EXT1: variants seen among roughly 807,000 people sequenced by gnomAD.
EXT1 encodes the protein exostosin glycosyltransferase 1, also known as exostosin-1.
EXT1 carries 20 observed loss-of-function variants against 82.5 expected under a neutral mutation model. The ratio of observed to expected loss-of-function variants is 0.24; its 90% confidence interval spans 0.17 to 0.35. EXT1 has a LOEUF of 0.35. Ranked by LOEUF, EXT1 falls within the 10% of genes least tolerant of loss-of-function variation. EXT1 has a pLI of 1.00. For synonymous variants in EXT1, 348 were observed against 350.8 expected (o/e 0.99, Z 0.09); for missense variants, 757 against 936.5 (o/e 0.81, Z 2.50).
At chr8:118,061,754 T>C (rs192141501) in intron 1 of EXT1, among the ~76,000 whole-genome samples, 2 of 152,352 alleles carry the variant, frequency 1.3e-5, no homozygotes, top group Non-Finnish European at 2.9e-5. Context: ...CAAATAACAT[T>C]CCTAGATTTT....
intron 1 of EXT1, among the ~76,000 whole-genome samples, chr8:117,923,546 T>A (rs1178771090): frequency 6.9e-6 from 1 of 145,710 alleles, no homozygotes; most frequent in African/African-American, 2.7e-5. Flanking sequence ...TGAAACCCCA[T>A]CTCTACTAAA....
chr8:118,031,121 G>A (rs1350325280), intron 1 of EXT1, among the ~76,000 whole-genome samples: 1 of 152,102 alleles, frequency 6.6e-6, no homozygotes, highest in African/African-American at 2.4e-5. Flanking sequence ...GTACAGATGG[G>A]GTGTGGGGGG....
At chr8:117,875,808 T>G (rs1218685691) in intron 1 of EXT1, among the ~76,000 whole-genome samples, 1 of 152,152 alleles carries the variant, frequency 6.6e-6, no homozygotes, top group Non-Finnish European at 1.5e-5. Context: ...GGTTTCCAGA[T>G]GAGCAAATGC....
At chr8:117,953,685 C>T (rs923391030) in intron 1 of EXT1, among the ~76,000 whole-genome samples, 12 of 151,986 alleles carry the variant, frequency 7.9e-5, no homozygotes, top group Non-Finnish European at 1.8e-4. Context: ...GTTTTATCAC[C>T]TCTCCCATTC....
At chr8:117,826,786 A>G (rs557954693) in intron 4 of EXT1, among the ~76,000 whole-genome samples, 2 of 152,310 alleles carry the variant, frequency 1.3e-5, no homozygotes, top group African/African-American at 4.8e-5. Flanking sequence ...GTGTTTAAAA[A>G]AACCCCAAAA....
rs1297729942 is a variant in EXT1 at position 118,111,807 on chromosome 8, G to A, written c.-761C>T. 3 of 149,346 alleles carry A rather than the reference G, an allele frequency of 2.0e-5. No homozygotes were observed. The highest frequency in any genetic ancestry group is 4.5e-5 in the Non-Finnish European group (3 of 66,962). The allele number at this position is 149,346 out of a possible 1,614,324, so 9.3% of individuals were successfully genotyped here. A position where few individuals can be genotyped will look rare whatever the true frequency, so the allele number is the denominator to read the frequency against. ...CCCCGCGCGAACGCTGCCGACCGCCGCGTTCGGTCGCCGAATGTTACCCGG... is the reference window on the plus strand; with the variant it reads ...CCCCGCGCGAACGCTGCCGACCGCCACGTTCGGTCGCCGAATGTTACCCGG... On this transcript the variant is annotated 5_prime_UTR_variant, in exon 1 of 11. Coordinates refer to ENST00000378204, the MANE Select transcript of EXT1 (RefSeq NM_000127.3).
intron 1 of EXT1, among the ~76,000 whole-genome samples, chr8:117,875,293 C>G (rs1301196067): frequency 6.6e-6 from 1 of 152,050 alleles, no homozygotes; most frequent in Admixed American, 6.6e-5. Context: ...TGGTGGTGCG[C>G]ACTTGTAATC....
intron 1 of EXT1, among the ~76,000 whole-genome samples, chr8:118,030,490 G>C (rs1176832183): frequency 6.6e-6 from 1 of 151,770 alleles, no homozygotes; most frequent in Non-Finnish European, 1.5e-5. Context: ...TTTTTTGTTT[G>C]TTTGTTTTTT....
Position 118,004,751 on chromosome 8 carries a change from CA to C in EXT1, c.962+105333del, listed in dbSNP as rs1275199141. ...AAGCCAGTCACCCCATGCCTGGATG[CA>C]ATTAGTCCACCCACATTCTCCATGT... On this transcript the variant is annotated intron_variant, in intron 1 of 10. Coordinates refer to ENST00000378204, the MANE Select transcript of EXT1 (RefSeq NM_000127.3). Among the ~76,000 whole-genome samples the C allele has an allele frequency of 2.0e-4, 31 of 152,282 alleles. No homozygotes were observed. The Middle Eastern group carries it at 0.014, about 67-fold the overall frequency.
intron 8 of EXT1, 126 bp from the exon 9 acceptor site, chr8:117,807,503 A>G: frequency 9.7e-7 from 1 of 1,033,410 alleles, no homozygotes; most frequent in Non-Finnish European, 1.5e-6. Context: ...AATTCTATGT[A>G]TTCATCAGCA....
At chr8:117,935,432 T>C (rs1814141607) in intron 1 of EXT1, among the ~76,000 whole-genome samples, 2 of 151,774 alleles carry the variant, frequency 1.3e-5, no homozygotes, top group Non-Finnish European at 2.9e-5. Flanking sequence ...GGGATCCTCC[T>C]GCCTCAGCCT....
chr8:117,849,245 T>C (rs1445112953), intron 1 of EXT1, among the ~76,000 whole-genome samples: 1 of 152,210 alleles, frequency 6.6e-6, no homozygotes, highest in Non-Finnish European at 1.5e-5. Flanking sequence ...TCCTGGCATT[T>C]ACCAAGGTCA....
intron 1 of EXT1, among the ~76,000 whole-genome samples, chr8:117,914,666 G>T (rs1282112692): frequency 1.3e-5 from 2 of 152,166 alleles, no homozygotes; most frequent in African/African-American, 4.8e-5. Context: ...GTTGAGATAA[G>T]AACTGAGATA....
At chr8:118,091,976 A>G (rs1266573620) in intron 1 of EXT1, among the ~76,000 whole-genome samples, 3 of 152,216 alleles carry the variant, frequency 2.0e-5, no homozygotes, top group Non-Finnish European at 4.4e-5. Context: ...CACTGGGTTA[A>G]GTGCTGGGAA....
intron 1 of EXT1, among the ~76,000 whole-genome samples, chr8:117,906,661 C>T (rs1470307712): frequency 6.6e-6 from 1 of 152,168 alleles, no homozygotes; most frequent in Non-Finnish European, 1.5e-5. Context: ...ACTTCTAACA[C>T]ACAACTAGTA....
chr8:117,840,065 C>T (rs531316056), intron 1 of EXT1, among the ~76,000 whole-genome samples: 4 of 152,136 alleles, frequency 2.6e-5, no homozygotes, highest in Non-Finnish European at 5.9e-5. Context: ...AATTTAGTAA[C>T]AATCATAAAA....
At chr8:117,989,133 A>G (rs1306390467) in intron 1 of EXT1, among the ~76,000 whole-genome samples, 2 of 152,042 alleles carry the variant, frequency 1.3e-5, no homozygotes, top group Non-Finnish European at 2.9e-5. Flanking sequence ...TCAGAGGAAA[A>G]CAAATGAAGG....
intron 1 of EXT1, among the ~76,000 whole-genome samples, chr8:118,034,921 G>A (rs1184310782): frequency 6.6e-6 from 1 of 152,118 alleles, no homozygotes; most frequent in Non-Finnish European, 1.5e-5. Flanking sequence ...AGCAGAATTG[G>A]AAACCAACCC....
intron 1 of EXT1, among the ~76,000 whole-genome samples, chr8:117,946,455 CCTAATCCCAGCACTCTCCGGGGCCTG>C (rs1814390282): frequency 6.6e-6 from 1 of 152,128 alleles, no homozygotes; most frequent in Admixed American, 6.5e-5. Context: ...ATTTGTGGCG[CCTAATCCCAGCACTCTCCGGGGCCTG>C]CTCCTGAAGC....
Sources: gnomAD v4.1 joint callset for allele counts (sites outside exome capture counted in the v4.1 genomes callset) on GRCh38, gnomAD v4.1.1 for gene constraint, MANE v1.5 for transcripts, NCBI Gene and HGNC (gene_info 2026-07-23, HGNC 2026-07-21) for gene names.